The following FAT3 variants were observed in gnomAD, a reference collection of about 807,000 sequenced individuals.
FAT3 encodes the protein protocadherin Fat 3.
Under a neutral mutation model 310.2 loss-of-function variants are expected in FAT3, and 95 were observed. The ratio of observed to expected loss-of-function variants is 0.31; its 90% CI spans 0.26 to 0.36. The LOEUF is 0.36. FAT3 is among the 10% of genes least tolerant of loss of function. The probability of loss-of-function intolerance (pLI) is 1.00; values close to 1 mark genes in which losing one functional copy is unlikely to be tolerated. For synonymous variants in FAT3, 2,314 were observed against 2,192.9 expected (o/e 1.06, Z -1.54); for missense variants, 5,408 against 5,715.6 (o/e 0.95, Z 1.74).
intron 4 of FAT3, among the ~76,000 whole-genome samples, chr11:92,720,112 A>T (rs1298141960): frequency 6.6e-6 from 1 of 152,152 alleles, no homozygotes; most frequent in Non-Finnish European, 1.5e-5. Flanking sequence ...AGGGATCTAG[A>T]ATTTGAAATA....
chr11:92,880,656 A>T (rs2136396223), intron 22 of FAT3, 75 bp from the exon 23 acceptor site: 2 of 1,478,186 alleles, frequency 1.4e-6, no homozygotes, highest in Non-Finnish European at 1.8e-6. Flanking sequence ...AATTAGGAGG[A>T]CATGTTATAG....
intron 1 of FAT3, among the ~76,000 whole-genome samples, chr11:92,298,404 T>A (rs2134417048): frequency 6.6e-6 from 1 of 152,210 alleles, no homozygotes; most frequent in Non-Finnish European, 1.5e-5. Context: ...GGAGAGCAAT[T>A]GTTTCTTTCT....
At chr11:92,282,945 G>C (rs2134369946) in intron 1 of FAT3, among the ~76,000 whole-genome samples, 1 of 152,052 alleles carries the variant, frequency 6.6e-6, no homozygotes, top group Admixed American at 6.5e-5. Context: ...CTGTGATCCT[G>C]TTTTTATTTT....
At chr11:92,870,131 G>A (rs10830952) in intron 22 of FAT3, among the ~76,000 whole-genome samples, 1 of 152,052 alleles carries the variant, frequency 6.6e-6, no homozygotes, top group African/African-American at 2.4e-5. Flanking sequence ...TTCTCCTGGC[G>A]GCAGACTCCA....
intron 7 of FAT3, among the ~76,000 whole-genome samples, chr11:92,782,027 A>AG (rs1452186043): frequency 2.6e-5 from 4 of 152,134 alleles, no homozygotes; most frequent in Non-Finnish European, 4.4e-5. Flanking sequence ...AAGGATAGGA[A>AG]GGCCAGGCAT....
At chr11:92,378,039 AT>A (rs1253658855) in intron 2 of FAT3, among the ~76,000 whole-genome samples, 2 of 152,056 alleles carry the variant, frequency 1.3e-5, no homozygotes, top group East Asian at 1.9e-4. Flanking sequence ...AGTTTGTGTC[AT>A]TTTTTTCAGC....
chr11:92,229,869 A>C (rs1042242307), intron 1 of FAT3, among the ~76,000 whole-genome samples: 5 of 151,728 alleles, frequency 3.3e-5, no homozygotes, highest in South Asian at 2.1e-4. Flanking sequence ...GATGATAGAA[A>C]ATAGAAAACA....
chr11:92,534,957 C>A (rs761413072), intron 3 of FAT3, among the ~76,000 whole-genome samples: 26 of 152,116 alleles, frequency 1.7e-4, no homozygotes, highest in Non-Finnish European at 3.7e-4. Flanking sequence ...GAGCGTATAT[C>A]CTAATGGTAA....
intron 2 of FAT3, among the ~76,000 whole-genome samples, chr11:92,368,066 A>G (rs766457366): frequency 6.6e-6 from 1 of 152,250 alleles, no homozygotes; most frequent in Non-Finnish European, 1.5e-5. Context: ...CACAAAACTC[A>G]GAAGAATAAC....
At chr11:92,372,425 G>T (rs148254420) in intron 2 of FAT3, among the ~76,000 whole-genome samples, 244 of 151,774 alleles carry the variant, frequency 1.6e-3, no homozygotes, top group African/African-American at 5.5e-3. Flanking sequence ...ACTTTGGAAA[G>T]ATTTTTTAAA....
intron 1 of FAT3, among the ~76,000 whole-genome samples, chr11:92,291,967 T>C (rs1421915626): frequency 6.6e-6 from 1 of 152,032 alleles, no homozygotes; most frequent in Admixed American, 6.6e-5. Context: ...CTTTTAGCAA[T>C]ATCATGGTTT....
At chr11:92,273,936 G>A (rs537990483) in intron 1 of FAT3, among the ~76,000 whole-genome samples, 33 of 152,162 alleles carry the variant, frequency 2.2e-4, no homozygotes, top group Admixed American at 2.1e-3. Context: ...ACTTTATGAC[G>A]GGTTTGTTTA....
intron 9 of FAT3, 47 bp downstream of exon 9, chr11:92,793,024 C>T (rs905063810): frequency 1.0e-5 from 16 of 1,560,010 alleles, no homozygotes; most frequent in South Asian, 2.3e-5. Context: ...GCAAGGCATT[C>T]GACCCTCAGT....
intron 4 of FAT3, among the ~76,000 whole-genome samples, chr11:92,697,998 GA>G (rs1332503678): frequency 6.6e-6 from 1 of 152,100 alleles, no homozygotes; most frequent in African/African-American, 2.4e-5. Flanking sequence ...AAAAAGCTAT[GA>G]GATGAGAAAA....
chr11:92,561,480 A>G (rs1302856434), intron 3 of FAT3, among the ~76,000 whole-genome samples: 1 of 152,148 alleles, frequency 6.6e-6, no homozygotes, highest in East Asian at 1.9e-4. Context: ...CTTTACATAT[A>G]GGACTTTGTT....
At chr11:92,403,337 G>A (rs1950065981) in intron 2 of FAT3, 2 of 152,002 alleles carry the variant, frequency 1.3e-5, no homozygotes, top group Non-Finnish European at 2.9e-5. Context: ...TTAATTCAAG[G>A]ATTTTTCACT....
At chr11:92,793,108 C>T (rs1361236071) in intron 9 of FAT3, 131 bp downstream of exon 9, 24 of 878,712 alleles carry the variant, frequency 2.7e-5, no homozygotes, top group Non-Finnish European at 4.0e-5. Flanking sequence ...GGCCAAGCCG[C>T]TGTCCTATTT....
chr11:92,237,127 A>G (rs1049300386), intron 1 of FAT3, among the ~76,000 whole-genome samples: 1 of 152,218 alleles, frequency 6.6e-6, no homozygotes, highest in African/African-American at 2.4e-5. Context: ...GATATACTGC[A>G]TATATTGATT....
chr11:92,564,292 G>A (rs927154659), intron 3 of FAT3, among the ~76,000 whole-genome samples: 4 of 151,198 alleles, frequency 2.6e-5, no homozygotes, highest in Admixed American at 2.0e-4. Flanking sequence ...GACAAAGAAG[G>A]CCATTACATA....
Sources: gnomAD v4.1 joint callset for allele counts (sites outside exome capture counted in the v4.1 genomes callset) on GRCh38, gnomAD v4.1.1 for gene constraint, MANE v1.5 for transcripts, NCBI Gene and HGNC (gene_info 2026-07-23, HGNC 2026-07-21) for gene names.